DNMT1: variants seen among roughly 807,000 people sequenced by gnomAD.
DNMT1 encodes the protein DNA (cytosine-5)-methyltransferase 1.
Under a neutral mutation model 205.3 loss-of-function variants are expected in DNMT1, and 24 were observed. The observed-to-expected ratio is 0.12, with a 90% confidence interval of 0.08 to 0.16. The LOEUF is 0.16. Ranked by LOEUF, DNMT1 falls within the 10% of genes least tolerant of loss-of-function variation. The pLI is 1.00. For missense variants in DNMT1, 1,293 were observed against 2,177.7 expected (o/e 0.59, Z 8.09); for synonymous variants, 817 against 839.8 (o/e 0.97, Z 0.47).
At chr19:10,164,604 G>C (rs2038643646) in intron 11 of DNMT1, among the ~76,000 whole-genome samples, 1 of 151,890 alleles carries the variant, frequency 6.6e-6, no homozygotes, top group Non-Finnish European at 1.5e-5. Flanking sequence ...AACAGAGCAA[G>C]ATCCTGTCTC....
At chr19:10,185,276 T>G (rs2039155944) in intron 1 of DNMT1, among the ~76,000 whole-genome samples, 1 of 151,604 alleles carries the variant, frequency 6.6e-6, no homozygotes, top group African/African-American at 2.4e-5. Context: ...ATACAAAAAA[T>G]TAGCCAGGCG....
At position 10,154,811 on chromosome 19, in the gene DNMT1, A is replaced by C; in HGVS notation, c.1645-38T>G. 1 of 1,614,202 alleles carries C rather than the reference A, an allele frequency of 6.2e-7. No homozygotes were observed. The highest frequency in any genetic ancestry group is 1.1e-5 in the South Asian group (1 of 91,080). The stretch of plus-strand genomic sequence containing the variant: ...CAGGTTTCTCTCATGCTTAAGCCAA[A>C]CTGGCCTAAATCCAACTGAAGAACA... On this transcript the variant is annotated intron_variant, in intron 20 of 40. Transcript: ENST00000359526. This position sits in a 1 kb window ranked among gnomAD's most constrained non-coding sequence, Gnocchi z 6.3.
intron 39 of DNMT1, among the ~76,000 whole-genome samples, chr19:10,134,612 G>A (rs1568217415): frequency 6.6e-6 from 1 of 152,208 alleles, no homozygotes. Flanking sequence ...CCAGCACTTT[G>A]GGAGGCCAAG....
intron 11 of DNMT1, among the ~76,000 whole-genome samples, chr19:10,165,930 T>A (rs990244827): frequency 1.3e-5 from 2 of 151,954 alleles, no homozygotes; most frequent in Non-Finnish European, 2.9e-5. Context: ...GAAGTGAGGG[T>A]GCTTGTCACC....
rs1255084920 is a variant in DNMT1, at chr19:10,137,787, T to C, written c.4293+45A>G. On this transcript the variant is annotated intron_variant, in intron 36 of 40. Transcript: ENST00000359526. This position sits in a 1 kb window ranked among gnomAD's most constrained non-coding sequence, Gnocchi z 6.4. ...AGGCTGACTGTTCCCACGAGGCTGC[T>C]GGGCTGGGCCTCGAGGAGGAGCCGC... The C allele has an allele frequency of 1.3e-6, 2 of 1,598,778 alleles. No individual in the cohort carries two copies. The highest frequency in any genetic ancestry group is 1.7e-6 in the Non-Finnish European group (2 of 1,173,612).
At chr19:10,182,449 ATGTG>A (rs2039077245) in intron 1 of DNMT1, among the ~76,000 whole-genome samples, 2 of 125,082 alleles carry the variant, frequency 1.6e-5, no homozygotes, top group African/African-American at 5.9e-5. Flanking sequence ...ATACATATAT[ATGTG>A]TATATATATG....
intron 37 of DNMT1, 93 bp downstream of exon 37, chr19:10,136,992 C>T: frequency 2.0e-6 from 3 of 1,515,764 alleles, no homozygotes; most frequent in Admixed American, 3.9e-5. Context: ...TGTGTCTGTG[C>T]CCTGCCCTGG....
At chr19:10,139,988 T>A in intron 33 of DNMT1, 58 bp downstream of exon 33, 2 of 1,601,502 alleles carry the variant, frequency 1.2e-6, no homozygotes, top group Non-Finnish European at 1.7e-6. Context: ...TGACCACTGC[T>A]GACATGCGGC....
intron 1 of DNMT1, among the ~76,000 whole-genome samples, chr19:10,190,624 G>A (rs1222947030): frequency 6.6e-6 from 1 of 151,900 alleles, no homozygotes; most frequent in Non-Finnish European, 1.5e-5. Context: ...AGTTAGCCGG[G>A]CGTGGTGGCA....
intron 12 of DNMT1, 194 bp downstream of exon 12, chr19:10,163,132 T>C (rs2038614671): frequency 3.0e-6 from 2 of 671,814 alleles, no homozygotes; most frequent in Non-Finnish European, 5.2e-6. Context: ...CAGCTAATTT[T>C]TGTATTTTTA....
chr19:10,139,570 T>A, intron 34 of DNMT1, 106 bp downstream of exon 34: 1 of 1,521,162 alleles, frequency 6.6e-7, no homozygotes, highest in Non-Finnish European at 8.8e-7. Flanking sequence ...GCTGCCTGGA[T>A]GGCAGGCCTA....
chr19:10,160,179 G>A (rs1038901160), intron 14 of DNMT1, 116 bp from the exon 15 acceptor site: 1 of 1,577,734 alleles, frequency 6.3e-7, no homozygotes, highest in African/African-American at 1.3e-5. Flanking sequence ...CACCGGCTGT[G>A]GCAGTGAGGC....
Position 10,148,495 on chromosome 19 carries a change from C to CAA in DNMT1, c.2720+387_2720+388dup, listed in dbSNP as rs1222064600. Among the ~76,000 whole-genome samples, 10 of 58,532 alleles carry CAA rather than the reference C, an allele frequency of 1.7e-4. 1 individual carries two copies. The highest frequency in any genetic ancestry group is 6.0e-4 in the African/African-American group (9 of 14,886). The allele number at this position is 58,532 out of a possible 152,430, so 38.4% of individuals were successfully genotyped here. ...TGGGCAACAGAGCGAGACTCCGTCT[C>CAA]AAAAAAAAAAAAAGAAAAAAAAAAA... is the stretch of plus-strand genomic sequence containing the variant. On this transcript the variant is annotated intron_variant, in intron 27 of 40. Transcript: ENST00000359526.
rs564679424 is a variant in DNMT1, at chr19:10,194,852, C to T, written c.48G>A (p.Pro16=). The change falls in exon 1 of 41, where the codon CCG becomes CCA. Residue 16 remains proline, a synonymous_variant. Transcript: ENST00000359526. ...APARVPTLAV[P]AISLPDDVRR... ...GGACATCGTCGGGCAGCGAGATGGC[C>T]GGGACGGCCAGTGTGGGCACCCGGG... 13 of 1,611,688 alleles carry T rather than the reference C, an allele frequency of 8.1e-6. No homozygotes were observed. In the East Asian group the frequency reaches 2.5e-4, roughly 31 times the overall value.
rs145845033 is a variant in DNMT1, at chr19:10,170,103, G to A, written c.769-1739C>T. ...AGTTCCAGACCAACCTGGCCAACAC[G>A]GCAAAACCCTGTCTCTACTAAAAAT... On this transcript the variant is annotated intron_variant, in intron 9 of 40. Transcript: ENST00000359526. Among the ~76,000 whole-genome samples the A allele has an allele frequency of 1.4e-4, 21 of 151,992 alleles. 1 individual carries two copies. The East Asian group carries it at 3.5e-3, about 25-fold the overall frequency.
At chr19:10,192,793 A>T (rs2039327083) in intron 1 of DNMT1, among the ~76,000 whole-genome samples, 1 of 152,112 alleles carries the variant, frequency 6.6e-6, no homozygotes, top group Admixed American at 6.6e-5. Context: ...GTTTGACTAT[A>T]ATCCCAGCAC....
At position 10,136,244 on chromosome 19, in the gene DNMT1, G is replaced by A. The variant is rs1178738999; in HGVS notation, c.4533C>T (p.Leu1511=). The change falls in exon 38 of 41, where the codon CTC becomes CTT. Residue 1511 remains leucine (L), a synonymous_variant. Transcript: ENST00000359526. ...CGGTGTGGGGCAGGCACCAGGGGAT[G>A]AGGGTGTTGAACTGCCTGGCTGCGG... ...CDPAARQFNT[L]IPWCLPHTGN... 3 of 1,614,162 alleles carry A rather than the reference G, an allele frequency of 1.9e-6. No homozygotes were observed. Among genetic ancestry groups the A allele is most frequent in the Admixed American group, 1.7e-5 (1 of 60,026 alleles).
At chr19:10,160,160 A>G in intron 14 of DNMT1, 97 bp from the exon 15 acceptor site, 1 of 1,593,766 alleles carries the variant, frequency 6.3e-7, no homozygotes, top group South Asian at 1.1e-5. Context: ...TGCCTGTGGC[A>G]CAGGGAGGCA....
At chr19:10,168,864 G>C (rs1341126115) in intron 9 of DNMT1, among the ~76,000 whole-genome samples, 1 of 152,122 alleles carries the variant, frequency 6.6e-6, no homozygotes, top group Non-Finnish European at 1.5e-5. Context: ...ATGAGACGGA[G>C]TCTCACTCTG....
Sources: allele counts gnomAD v4.1 joint callset (sites outside exome capture counted in the v4.1 genomes callset), GRCh38; gene constraint gnomAD v4.1.1; non-coding constraint Gnocchi (gnomAD v3.1); transcripts MANE v1.5; gene names NCBI Gene and HGNC (gene_info 2026-07-23, HGNC 2026-07-21).